IGSF10: variants seen among roughly 807,000 people sequenced by gnomAD.
IGSF10 encodes calvaria mechanical force protein 608.
Under a neutral mutation model 128.2 loss-of-function variants are expected in IGSF10, and 126 were observed. That is an observed-to-expected ratio of 0.98 (90% CI 0.85 to 1.14). The LOEUF (loss-of-function observed/expected upper bound fraction) is 1.14. Ranked by LOEUF, IGSF10 falls within the 50% of genes most tolerant of loss-of-function variation. The pLI, the probability that IGSF10 is intolerant of heterozygous loss-of-function variation, is 0.00. For synonymous variants in IGSF10, 1,185 were observed against 1,146.2 expected, an observed-to-expected ratio of 1.03 and a Z score of -0.68; for missense variants, 3,295 against 3,149.8, an observed-to-expected ratio of 1.05 and a Z score of -1.10.
the IGSF10 span, among the ~76,000 whole-genome samples, chr3:151,566,314 T>C: frequency 2.6e-5 from 4 of 152,136 alleles, no homozygotes; most frequent in Non-Finnish European, 2.9e-5. Flanking sequence ...GCATAAGGTC[T>C]CCTCTGCTCT....
At chr3:151,537,123 A>T in the IGSF10 span, among the ~76,000 whole-genome samples, 1 of 152,324 alleles carries the variant, frequency 6.6e-6, no homozygotes, top group East Asian at 1.9e-4. Context: ...TGGGTAAGCC[A>T]TCTCAAAGGC....
rs1344705448 is a variant in IGSF10, at chr3:151,448,327, T to A, written c.1654A>T (p.Ile552Leu). The A allele has an allele frequency of 6.2e-7, 1 of 1,614,240 alleles. No homozygotes were observed. Among genetic ancestry groups the A allele is most frequent in the Non-Finnish European group, 8.5e-7 (1 of 1,180,020 alleles). The change falls in exon 6 of 8, where the codon ATA becomes TTA. Residue 552 changes from isoleucine to leucine, a missense_variant. By Grantham distance (5) the Ile-to-Leu change is conservative. Coordinates refer to ENST00000282466, the MANE Select transcript of IGSF10 (RefSeq NM_178822.5). ...DSFDTGVYHCISSNYDDADIL... is the reference protein window; with the variant it reads ...DSFDTGVYHCLSSNYDDADIL... Reference sequence around the variant, plus strand: ...TCTGCATCATCATAATTGCTGCTTATACAGTGATATACGCCTGTGTCAAAA... The same window carrying A: ...TCTGCATCATCATAATTGCTGCTTAAACAGTGATATACGCCTGTGTCAAAA...
the IGSF10 span, among the ~76,000 whole-genome samples, chr3:151,541,524 G>A: frequency 6.6e-6 from 1 of 152,160 alleles, no homozygotes; most frequent in African/African-American, 2.4e-5. Context: ...ACTTTTAGAG[G>A]TTTGCTCATG....
chr3:151,436,875 C>G lies in IGSF10; in HGVS notation c.7686G>C (p.Trp2562Cys). Residue 2562 changes from tryptophan (W) to cysteine (C), a missense_variant, in exon 8 of 8, where the codon TGG becomes TGC. Transcript: ENST00000282466. ...ALGVPKPEIT[W>C]EMPDHSLLST... ...AGAGAAGGGAGTGGTCAGGCATCTCCCATGTGATTTCTGGCTTGGGAACTC... is the reference window on the plus strand; with the variant it reads ...AGAGAAGGGAGTGGTCAGGCATCTCGCATGTGATTTCTGGCTTGGGAACTC... 1 of 1,614,146 alleles carries G rather than the reference C, an allele frequency of 6.2e-7. No homozygotes were observed.
At chr3:151,585,065 A>G in the IGSF10 span, among the ~76,000 whole-genome samples, 2 of 152,218 alleles carry the variant, frequency 1.3e-5, no homozygotes, top group African/African-American at 4.8e-5. Flanking sequence ...TTGGCTTATT[A>G]GAGTTTAATA....
chr3:151,444,167 C>G (rs1298407584), intron 6 of IGSF10, among the ~76,000 whole-genome samples: 2 of 151,916 alleles, frequency 1.3e-5, no homozygotes, highest in African/African-American at 4.8e-5. Context: ...GTCCCAGCTA[C>G]TCAGGTGGTT....
At position 151,447,864 on chromosome 3, in the gene IGSF10, G is replaced by A. The variant is rs749423694; in HGVS notation, c.2117C>T (p.Ala706Val). The change falls in exon 6 of 8, where the codon GCT becomes GTT. Residue 706 changes from alanine (A) to valine (V), a missense_variant. Ala to Val is a moderately conservative substitution (Grantham distance 64). Coordinates refer to ENST00000282466, the MANE Select transcript of IGSF10 (RefSeq NM_178822.5). The part of the protein sequence containing the change: ...AQLRTSALME[A>V]EVGKHTSSTS... ...GCTTGAGGTGTGTTTTCCAACCTCAGCCTCCATCAGAGCAGATGTACGGAG... is the reference window on the plus strand; with the variant it reads ...GCTTGAGGTGTGTTTTCCAACCTCAACCTCCATCAGAGCAGATGTACGGAG... The A allele has an allele frequency of 6.2e-7, 1 of 1,614,050 alleles. No homozygotes were observed.
intron 4 of IGSF10, among the ~76,000 whole-genome samples, chr3:151,455,046 T>A (rs1472060708): frequency 6.6e-6 from 1 of 152,112 alleles, no homozygotes; most frequent in Non-Finnish European, 1.5e-5. Flanking sequence ...TGGTTTTTAG[T>A]ATATTCATAG....
rs74376694 is a variant in IGSF10 at position 151,459,721 on chromosome 3, C to G, written c.-2+540G>C. On this transcript the variant is annotated intron_variant, in intron 2 of 7. Transcript: ENST00000282466. ...CATATGTGGGGCAAGCCCAGGAATT[C>G]AAACCTAATTCTCTCCTGAAATGCA... Among the ~76,000 whole-genome samples, 1,315 of 152,196 alleles carry G rather than the reference C, an allele frequency of 8.6e-3. 7 individuals are homozygous for G. The highest frequency in any genetic ancestry group is 0.013 in the Non-Finnish European group (906 of 67,996).
At chr3:151,569,870 C>T in the IGSF10 span, among the ~76,000 whole-genome samples, 132 of 152,178 alleles carry the variant, frequency 8.7e-4, 1 homozygote, top group Admixed American at 2.7e-3. Context: ...TCTCCTAATG[C>T]TATCCCTCCC....
At chr3:151,557,749 C>G in the IGSF10 span, among the ~76,000 whole-genome samples, 1 of 151,278 alleles carries the variant, frequency 6.6e-6, no homozygotes, top group Non-Finnish European at 1.5e-5. Context: ...GCTTAGTTTC[C>G]CTGTGTGCAA....
rs770705310 is a variant in IGSF10, at chr3:151,448,453, G to A, written c.1528C>T (p.Leu510Phe). The A allele has an allele frequency of 1.9e-6, 3 of 1,614,192 alleles. No individual in the cohort carries two copies. Among genetic ancestry groups the A allele is most frequent in the South Asian group, 2.2e-5 (2 of 91,082 alleles). The stretch of plus-strand genomic sequence containing the variant: ...CTCACTTTACTTCCATCAGCTAGAA[G>A]CCAATCCACGTGTGGGGTGGGGTCT... Reference protein sequence around the residue: ...QGDPTPHVDWLLADGSKVRAP... With the variant: ...QGDPTPHVDWFLADGSKVRAP... Residue 510 changes from leucine to phenylalanine, a missense_variant, in exon 6 of 8, where the codon CTT becomes TTT. Transcript: ENST00000282466.
the IGSF10 span, among the ~76,000 whole-genome samples, chr3:151,617,260 C>CTCTCCTTCTTCTTCT: frequency 1.8e-5 from 1 of 55,688 alleles, no homozygotes; most frequent in East Asian, 6.9e-4. Flanking sequence ...TCTTCTCCTT[C>CTCTCCTTCTTCTTCT]TCTTCTTCTT....
At chr3:151,496,959 T>G in the IGSF10 span, among the ~76,000 whole-genome samples, 2 of 152,228 alleles carry the variant, frequency 1.3e-5, no homozygotes, top group Non-Finnish European at 2.9e-5. Context: ...ATGTGTCTGT[T>G]GGCTGCATAA....
rs770363685 is a variant in IGSF10 at position 151,437,593 on chromosome 3, A to G, written c.6968T>C (p.Val2323Ala). Reference sequence around the variant, plus strand: ...CAGTACTTCTAACTGTACTACCAACACGCTCTCTCCACCTTCATTTCGGGC... The same window carrying G: ...CAGTACTTCTAACTGTACTACCAACGCGCTCTCTCCACCTTCATTTCGGGC... ...CVARNEGGES[V>A]LVVQLEVLEM... The change falls in exon 8 of 8, where the codon GTG becomes GCG. Residue 2323 changes from valine (V) to alanine (A), a missense_variant. Transcript: ENST00000282466. 6.2e-7 allele frequency: 1 copy of G among 1,614,116 alleles called. No individual in the cohort carries two copies. The highest frequency in any genetic ancestry group is 2.2e-5 in the East Asian group (1 of 44,886).
chr3:151,501,211 A>C, the IGSF10 span, among the ~76,000 whole-genome samples: 1 of 151,854 alleles, frequency 6.6e-6, no homozygotes, highest in South Asian at 2.1e-4. Flanking sequence ...TTTATTTTTT[A>C]TTTTTCTTTT....
chr3:151,467,915 G>C, the IGSF10 span, among the ~76,000 whole-genome samples: 1 of 150,500 alleles, frequency 6.6e-6, no homozygotes, highest in African/African-American at 2.5e-5. Context: ...AAGAAAAAAA[G>C]AAAGAAAAAT....
Position 151,447,783 on chromosome 3 carries a change from G to A in IGSF10, c.2198C>T (p.Thr733Ile), listed in dbSNP as rs1370337536. Residue 733 changes from threonine to isoleucine, a missense_variant, in exon 6 of 8, where the codon ACA (threonine) becomes ATA (isoleucine). Coordinates refer to ENST00000282466, the MANE Select transcript of IGSF10 (RefSeq NM_178822.5). ...CCTATTCTCCCTAAAACGTCGATGT[G>A]TTGAATCTCCACGTCGCTGGAGTGT... ...ELTLQRRGDS[T>I]HRRFRENRRH... The A allele has an allele frequency of 1.2e-6, 2 of 1,614,038 alleles. No individual in the cohort carries two copies. The highest frequency in any genetic ancestry group is 3.3e-5 in the Admixed American group (2 of 60,006).
chr3:151,441,849 CAGG>C (rs762435674), intron 7 of IGSF10, among the ~76,000 whole-genome samples: 4 of 152,130 alleles, frequency 2.6e-5, no homozygotes, highest in Non-Finnish European at 5.9e-5. Flanking sequence ...ATCACGAGGT[CAGG>C]AGATCAAGAC....
Sources: gnomAD v4.1 joint callset for allele counts (sites outside exome capture counted in the v4.1 genomes callset) on GRCh38, gnomAD v4.1.1 for gene constraint, MANE v1.5 for transcripts, NCBI Gene and HGNC (gene_info 2026-07-23, HGNC 2026-07-21) for gene names.